TCF7L1: variants seen among roughly 807,000 people sequenced by gnomAD.
The protein encoded by TCF7L1 is transcription factor 7 like 1.
TCF7L1 carries 18 observed loss-of-function variants against 63.7 expected under a neutral mutation model. The ratio of observed to expected loss-of-function variants is 0.28; its 90% confidence interval spans 0.20 to 0.42. The LOEUF is 0.42. TCF7L1 is among the 10% of genes least tolerant of loss of function. The probability of loss-of-function intolerance (pLI) is 1.00; values close to 1 mark genes in which losing one functional copy is unlikely to be tolerated. For synonymous variants in TCF7L1, 355 were observed against 340.9 expected (o/e 1.04, Z -0.46); for missense variants, 654 against 779.3 (o/e 0.84, Z 1.91).
At chr2:85,281,147 C>T (rs537947827) in intron 3 of TCF7L1, among the ~76,000 whole-genome samples, 133 of 152,088 alleles carry the variant, frequency 8.7e-4, no homozygotes, top group African/African-American at 3.2e-3. Flanking sequence ...CCTCAGCCTC[C>T]CAAGAAGGTG....
chr2:85,289,289 T>A (rs1356581258), intron 4 of TCF7L1, among the ~76,000 whole-genome samples: 3 of 151,778 alleles, frequency 2.0e-5, no homozygotes, highest in African/African-American at 4.8e-5. Flanking sequence ...CCAAAATGCT[T>A]CCTGTCCAGG....
At chr2:85,232,667 T>A (rs1334256851) in intron 3 of TCF7L1, among the ~76,000 whole-genome samples, 1 of 152,240 alleles carries the variant, frequency 6.6e-6, no homozygotes, top group Non-Finnish European at 1.5e-5. Flanking sequence ...CCTCCACTGT[T>A]ATTTTTCTTC....
intron 3 of TCF7L1, among the ~76,000 whole-genome samples, chr2:85,275,901 C>T (rs1681259178): frequency 8.5e-6 from 1 of 117,064 alleles, no homozygotes; most frequent in African/African-American, 3.3e-5. Flanking sequence ...GCCTGGACGA[C>T]AGAGTGAGAC....
At chr2:85,225,223 G>C (rs1266185456) in intron 3 of TCF7L1, among the ~76,000 whole-genome samples, 1 of 152,200 alleles carries the variant, frequency 6.6e-6, no homozygotes, top group Admixed American at 6.5e-5. Context: ...GATGCCTCCA[G>C]CTTTGTTCTT....
intron 3 of TCF7L1, among the ~76,000 whole-genome samples, chr2:85,169,304 A>G (rs972950555): frequency 6.7e-6 from 1 of 149,102 alleles, no homozygotes; most frequent in Non-Finnish European, 1.5e-5. Flanking sequence ...TGGCCTAACA[A>G]CATTGGCTTT....
At chr2:85,197,229 G>A (rs879008547) in intron 3 of TCF7L1, among the ~76,000 whole-genome samples, 4 of 152,170 alleles carry the variant, frequency 2.6e-5, no homozygotes, top group Non-Finnish European at 4.4e-5. Context: ...TGGCCGACAC[G>A]GTGAAACCCA....
chr2:85,297,450 T>C (rs991806123), intron 4 of TCF7L1, among the ~76,000 whole-genome samples: 15 of 152,222 alleles, frequency 9.9e-5, no homozygotes, highest in Admixed American at 3.3e-4. Flanking sequence ...ATGCCAGGCA[T>C]ACTACACTAG....
intron 3 of TCF7L1, among the ~76,000 whole-genome samples, chr2:85,153,340 A>ATATTTTTTTTTTTT (rs750002994): frequency 7.8e-5 from 8 of 102,270 alleles, no homozygotes; most frequent in African/African-American, 3.4e-4. Context: ...GCCTTTATAA[A>ATATTTTTTTTTTTT]TTTTTTTTTT....
intron 3 of TCF7L1, among the ~76,000 whole-genome samples, chr2:85,279,498 A>G (rs1217361546): frequency 2.6e-5 from 4 of 152,200 alleles, no homozygotes; most frequent in African/African-American, 9.6e-5. Flanking sequence ...GCCATCTTCA[A>G]ATGTCTAGTA....
chr2:85,247,408 C>T (rs1423959004), intron 3 of TCF7L1, among the ~76,000 whole-genome samples: 1 of 152,148 alleles, frequency 6.6e-6, no homozygotes, highest in African/African-American at 2.4e-5. Context: ...GACCCTAGTC[C>T]GTAAATTCCA....
At chr2:85,282,566 G>A (rs1231098854) in intron 3 of TCF7L1, among the ~76,000 whole-genome samples, 3 of 152,170 alleles carry the variant, frequency 2.0e-5, no homozygotes, top group African/African-American at 2.4e-5. Flanking sequence ...AACCTGTACC[G>A]TGAGTGATAA....
At chr2:85,259,312 C>G (rs878984889) in intron 3 of TCF7L1, among the ~76,000 whole-genome samples, 1 of 152,224 alleles carries the variant, frequency 6.6e-6, no homozygotes, top group Admixed American at 6.5e-5. Context: ...GATCAGGCAG[C>G]CACCCTTTAA....
rs200068731 is a variant in TCF7L1 at position 85,308,163 on chromosome 2, GCA to G, written c.1333+448_1333+449del. On this transcript the variant is annotated intron_variant, in intron 11 of 11. Transcript: ENST00000282111. ...AAATTAGTTTGCTTGGGTTTAGGAGGCACTTTGTGTCAAAACCATGTATAAAA... is the reference window on the plus strand; with the variant it reads ...AAATTAGTTTGCTTGGGTTTAGGAGGCTTTGTGTCAAAACCATGTATAAAA... Among the ~76,000 whole-genome samples the G allele has an allele frequency of 9.6e-3, 1,465 of 152,200 alleles. 10 individuals are homozygous for G. The highest frequency in any genetic ancestry group is 0.041 in the Middle Eastern group (12 of 294).
chr2:85,241,431 GTTTTTGTTTT>G (rs1282248016), intron 3 of TCF7L1, among the ~76,000 whole-genome samples: 2,982 of 68,786 alleles, frequency 0.043, 154 homozygotes, highest in African/African-American at 0.15. Flanking sequence ...GATGCACTTT[GTTTTTGTTTT>G]TTTTTTTTTT....
intron 3 of TCF7L1, among the ~76,000 whole-genome samples, chr2:85,208,677 G>C (rs1290294893): frequency 6.6e-6 from 1 of 152,184 alleles, no homozygotes; most frequent in Non-Finnish European, 1.5e-5. Flanking sequence ...ACCAGGTTTA[G>C]TGGAAGAGGG....
At chr2:85,179,182 C>T (rs1289775997) in intron 3 of TCF7L1, among the ~76,000 whole-genome samples, 1 of 152,172 alleles carries the variant, frequency 6.6e-6, no homozygotes, top group Admixed American at 6.5e-5. Context: ...AGCCACTCAC[C>T]CTGAGTTCAA....
At chr2:85,160,921 G>T (rs1035761906) in intron 3 of TCF7L1, among the ~76,000 whole-genome samples, 5 of 152,204 alleles carry the variant, frequency 3.3e-5, no homozygotes, top group Non-Finnish European at 7.3e-5. Flanking sequence ...ATGAGAACCC[G>T]CACATCATTC....
chr2:85,214,407 G>A (rs1250062443), intron 3 of TCF7L1, among the ~76,000 whole-genome samples: 4 of 152,208 alleles, frequency 2.6e-5, no homozygotes, highest in African/African-American at 7.2e-5. Context: ...AGTGCCAGCC[G>A]ATAGGACTAG....
chr2:85,159,100 G>A (rs555245921), intron 3 of TCF7L1, among the ~76,000 whole-genome samples: 3 of 152,154 alleles, frequency 2.0e-5, no homozygotes, highest in Non-Finnish European at 2.9e-5. Flanking sequence ...TTCAGCCTTC[G>A]ATCAATAAAT....
Sources: allele counts gnomAD v4.1 joint callset (sites outside exome capture counted in the v4.1 genomes callset), GRCh38; gene constraint gnomAD v4.1.1; transcripts MANE v1.5; gene names NCBI Gene and HGNC (gene_info 2026-07-23, HGNC 2026-07-21).